FHOD3: variants seen among roughly 807,000 people sequenced by gnomAD.
The protein encoded by FHOD3 is FH1/FH2 domain-containing protein 3.
A neutral mutation model predicts 173.0 loss-of-function variants in FHOD3; 90 were observed. The ratio of observed to expected loss-of-function variants is 0.52; its 90% confidence interval spans 0.44 to 0.62. The LOEUF is 0.62. Ranked by LOEUF, FHOD3 falls within the 20% of genes least tolerant of loss-of-function variation. FHOD3 has a pLI of 0.00. For synonymous variants in FHOD3, 828 were observed against 823.0 expected (o/e 1.01, Z -0.10); for missense variants, 1,945 against 2,034.7 (o/e 0.96, Z 0.85).
intron 1 of FHOD3, among the ~76,000 whole-genome samples, chr18:36,336,574 A>C (rs144526353): frequency 0.055 from 8,301 of 151,992 alleles, 748 homozygotes; most frequent in African/African-American, 0.19. Flanking sequence ...CAGTGGCTCA[A>C]GCCTGTAATC....
rs570915389 is a variant in FHOD3 at position 36,628,025 on chromosome 18, A to G, written c.1196+2276A>G. Among the ~76,000 whole-genome samples the G allele has an allele frequency of 9.0e-4, 137 of 152,338 alleles. 1 individual carries two copies. The highest frequency in any genetic ancestry group is 3.2e-3 in the African/African-American group (131 of 41,582). On this transcript the variant is annotated intron_variant, in intron 10 of 28. Transcript: ENST00000590592. ...CCACATATGAAGGATTTGGGGCTAG[A>G]TTTTATAACTCAGTCACCCAAGTGA...
At chr18:36,357,599 A>G (rs1307635684) in intron 2 of FHOD3, among the ~76,000 whole-genome samples, 1 of 152,196 alleles carries the variant, frequency 6.6e-6, no homozygotes, top group African/African-American at 2.4e-5. Context: ...CTTAAGTCAC[A>G]CCAGATTCTA....
intron 3 of FHOD3, among the ~76,000 whole-genome samples, chr18:36,377,583 T>C (rs928823405): frequency 9.9e-5 from 15 of 152,204 alleles, no homozygotes; most frequent in African/African-American, 3.6e-4. Context: ...CTGTGCTAGC[T>C]AGTAAAGATG....
intron 3 of FHOD3, among the ~76,000 whole-genome samples, chr18:36,475,033 ACT>A (rs1491110307): frequency 0.12 from 4,646 of 39,128 alleles, 225 homozygotes; most frequent in East Asian, 0.32. Context: ...ACACACACAC[ACT>A]CTGCAAAATT....
rs35295640 is a variant in FHOD3, at chr18:36,720,236, C to CTTTTT, written c.3417+1536_3417+1540dup. 3.4e-4 allele frequency among the ~76,000 whole-genome samples: 40 copies of CTTTTT among 119,146 alleles called. 1 individual carries two copies. Among genetic ancestry groups the CTTTTT allele is most frequent in the African/African-American group, 1.1e-3 (32 of 30,224 alleles). The allele number at this position is 119,146 out of a possible 152,430, so 78.2% of individuals were successfully genotyped here. The stretch of plus-strand genomic sequence containing the variant: ...GCCATCCACATGCCCCGTTCCAATT[C>CTTTTT]TTTTTTTTTTTTTTTTTTTGAGGCA... On this transcript the variant is annotated intron_variant, in intron 19 of 28. Transcript: ENST00000590592.
At chr18:36,660,438 G>T (rs2644268) in intron 14 of FHOD3, among the ~76,000 whole-genome samples, 1 of 151,990 alleles carries the variant, frequency 6.6e-6, no homozygotes, top group African/African-American at 2.4e-5. Flanking sequence ...AAGCCACTGG[G>T]GTGAGGCTGC....
At chr18:36,534,325 G>A (rs1412321509) in intron 5 of FHOD3, among the ~76,000 whole-genome samples, 1 of 152,166 alleles carries the variant, frequency 6.6e-6, no homozygotes, top group African/African-American at 2.4e-5. Context: ...AAAGAAGACA[G>A]TGTCTCATGG....
chr18:36,404,263 G>T (rs939386678), intron 3 of FHOD3, among the ~76,000 whole-genome samples: 2 of 152,142 alleles, frequency 1.3e-5, no homozygotes, highest in Admixed American at 1.3e-4. Context: ...CCTGCTTGGG[G>T]TGTTGGTGAC....
chr18:36,521,012 A>G (rs1184343705), intron 5 of FHOD3, among the ~76,000 whole-genome samples: 5 of 152,206 alleles, frequency 3.3e-5, no homozygotes, highest in Admixed American at 2.6e-4. Flanking sequence ...TTCTTTTACA[A>G]GGTTTCTATT....
intron 4 of FHOD3, among the ~76,000 whole-genome samples, chr18:36,511,652 TC>T (rs1043017699): frequency 1.3e-5 from 2 of 152,076 alleles, no homozygotes; most frequent in African/African-American, 4.8e-5. Context: ...AAACAGGGCC[TC>T]CCGCTAGAGA....
At chr18:36,379,648 C>T (rs1318833626) in intron 3 of FHOD3, among the ~76,000 whole-genome samples, 1 of 152,200 alleles carries the variant, frequency 6.6e-6, no homozygotes, top group Non-Finnish European at 1.5e-5. Context: ...GGCAGTTAGA[C>T]TCCTAAGTTC....
intron 1 of FHOD3, among the ~76,000 whole-genome samples, chr18:36,353,291 G>A (rs914450723): frequency 4.6e-5 from 7 of 152,166 alleles, no homozygotes; most frequent in Non-Finnish European, 8.8e-5. Flanking sequence ...ACTTAACTAG[G>A]TATTTCTCAC....
At chr18:36,568,436 C>T (rs1425971819) in intron 5 of FHOD3, among the ~76,000 whole-genome samples, 5 of 143,016 alleles carry the variant, frequency 3.5e-5, no homozygotes, top group East Asian at 2.2e-4. Context: ...AGCTCAGGAA[C>T]GTGAAAGTTT....
At chr18:36,660,826 G>T (rs1347516186) in intron 14 of FHOD3, among the ~76,000 whole-genome samples, 2 of 152,162 alleles carry the variant, frequency 1.3e-5, no homozygotes, top group East Asian at 1.9e-4. Flanking sequence ...TTGGGATGGG[G>T]TCACTGGGGA....
chr18:36,372,646 T>A (rs1438084669), intron 2 of FHOD3, 34 bp from the exon 3 acceptor site: 1 of 1,605,394 alleles, frequency 6.2e-7, no homozygotes, highest in Admixed American at 1.7e-5. Context: ...TGCTGACTCC[T>A]CTGATGCCCC....
chr18:36,499,835 A>G (rs148427058), intron 3 of FHOD3, among the ~76,000 whole-genome samples: 1,979 of 152,194 alleles, frequency 0.013, 11 homozygotes, highest in Middle Eastern at 0.031. Flanking sequence ...TAGAAAGGTG[A>G]TGCATTTTTC....
At chr18:36,669,414 T>C (rs1339188610) in intron 14 of FHOD3, among the ~76,000 whole-genome samples, 1 of 152,016 alleles carries the variant, frequency 6.6e-6, no homozygotes, top group East Asian at 1.9e-4. Context: ...TTGGAGTGTT[T>C]AAACCATTTA....
chr18:36,729,329 G>C (rs1025902629), intron 19 of FHOD3, among the ~76,000 whole-genome samples: 4 of 152,162 alleles, frequency 2.6e-5, no homozygotes, highest in Non-Finnish European at 4.4e-5. Context: ...CCTGCCCCCA[G>C]GTGCCACCTG....
intron 1 of FHOD3, among the ~76,000 whole-genome samples, chr18:36,332,505 A>T (rs1470359036): frequency 6.6e-6 from 1 of 152,242 alleles, no homozygotes; most frequent in African/African-American, 2.4e-5. Context: ...GAGGAACTTA[A>T]CTTGCCCCAT....
Sources: gnomAD v4.1 joint callset for allele counts (sites outside exome capture counted in the v4.1 genomes callset) on GRCh38, gnomAD v4.1.1 for gene constraint, MANE v1.5 for transcripts, NCBI Gene and HGNC (gene_info 2026-07-23, HGNC 2026-07-21) for gene names.